The following DLGAP2 variants were observed in gnomAD, a reference collection of about 807,000 sequenced individuals.
DLGAP2 encodes DLG associated protein 2, also known as disks large-associated protein 2.
In DLGAP2, 26 loss-of-function variants were observed where a neutral mutation model predicts 100.3. The ratio of observed to expected loss-of-function variants is 0.26; its 90% CI spans 0.19 to 0.36. The LOEUF (loss-of-function observed/expected upper bound fraction) is 0.36, where lower values mean the gene tolerates loss of function less well. DLGAP2 is among the 10% of genes least tolerant of loss of function. The probability of loss-of-function intolerance (pLI) is 1.00; values close to 1 mark genes in which losing one functional copy is unlikely to be tolerated. For missense variants in DLGAP2, 1,858 were observed against 1,453.2 expected (o/e 1.28, Z -4.53); for synonymous variants, 886 against 630.1 (o/e 1.41, Z -6.08).
At chr8:813,973 C>T (rs1796417916) in intron 1 of DLGAP2, among the ~76,000 whole-genome samples, 1 of 151,918 alleles carries the variant, frequency 6.6e-6, no homozygotes, top group Non-Finnish European at 1.5e-5. Context: ...GGAATCATCC[C>T]CTTAAAGGAG....
At chr8:1,456,739 G>T (rs1798324004) in intron 3 of DLGAP2, among the ~76,000 whole-genome samples, 1 of 151,782 alleles carries the variant, frequency 6.6e-6, no homozygotes, top group Admixed American at 6.6e-5. Flanking sequence ...CCCGGTCGTT[G>T]GACGTCAGCA....
At chr8:1,437,400 G>C (rs1292160120) in intron 3 of DLGAP2, among the ~76,000 whole-genome samples, 1 of 152,202 alleles carries the variant, frequency 6.6e-6, no homozygotes, top group African/African-American at 2.4e-5. Flanking sequence ...GCACATGACT[G>C]TACTTATTAC....
chr8:887,804 G>GT (rs1306403930), intron 1 of DLGAP2, among the ~76,000 whole-genome samples: 2 of 151,980 alleles, frequency 1.3e-5, no homozygotes, highest in African/African-American at 4.8e-5. Context: ...TGCCCTTAAC[G>GT]TTTTTTTCTT....
intron 2 of DLGAP2, among the ~76,000 whole-genome samples, chr8:1,185,704 C>G (rs943511289): frequency 1.9e-5 from 2 of 105,946 alleles, no homozygotes; most frequent in Admixed American, 1.0e-4. Flanking sequence ...CACACACACT[C>G]ACACTCACAC....
intron 2 of DLGAP2, among the ~76,000 whole-genome samples, chr8:939,942 G>A (rs1295531751): frequency 6.6e-6 from 1 of 151,946 alleles, no homozygotes; most frequent in Non-Finnish European, 1.5e-5. Context: ...TTCCCAGGGT[G>A]AACACGTACA....
intron 3 of DLGAP2, among the ~76,000 whole-genome samples, chr8:1,293,835 A>T (rs1178845091): frequency 8.5e-6 from 1 of 117,426 alleles, no homozygotes; most frequent in Non-Finnish European, 2.0e-5. Context: ...ATTTCTTTCT[A>T]TCTGTTATTC....
intron 2 of DLGAP2, among the ~76,000 whole-genome samples, chr8:949,088 G>T (rs1335788722): frequency 2.0e-5 from 3 of 152,238 alleles, no homozygotes; most frequent in Non-Finnish European, 2.9e-5. Context: ...GTCTTGAGGG[G>T]ATGCTGGGGT....
chr8:752,235 G>A (rs565820218), intron 1 of DLGAP2, among the ~76,000 whole-genome samples: 1 of 152,344 alleles, frequency 6.6e-6, no homozygotes, highest in South Asian at 2.1e-4. Flanking sequence ...CAGTTGTCCT[G>A]CCATGAAGCA....
chr8:1,635,261 TC>T lies in DLGAP2; in HGVS notation c.1810+2218del, dbSNP rs1287526220. On this transcript the variant is annotated intron_variant, in intron 8 of 14. Coordinates refer to ENST00000637795, the MANE Select transcript of DLGAP2 (RefSeq NM_001346810.2). ...GGAAAAATACCAAAGAAATGAAAAC[TC>T]CCAGTCTGGGAAAACAAAATTATGG... 5.9e-5 allele frequency among the ~76,000 whole-genome samples: 9 copies of T among 152,292 alleles called. No homozygotes were observed. The East Asian group carries it at 1.7e-3, about 29-fold the overall frequency.
intron 3 of DLGAP2, among the ~76,000 whole-genome samples, chr8:1,481,591 G>A (rs1025746930): frequency 1.4e-5 from 2 of 141,286 alleles, no homozygotes; most frequent in African/African-American, 2.6e-5. Context: ...TGATTCTACT[G>A]CCTCAGCCTC....
intron 2 of DLGAP2, among the ~76,000 whole-genome samples, chr8:966,568 T>C (rs1041465901): frequency 6.6e-6 from 1 of 152,182 alleles, no homozygotes; most frequent in Non-Finnish European, 1.5e-5. Flanking sequence ...AAAATGACAA[T>C]GGATGAATAA....
chr8:1,626,857 C>G lies in DLGAP2; in HGVS notation c.1560C>G (p.Ser520Arg). 1 of 1,606,150 alleles carries G rather than the reference C, an allele frequency of 6.2e-7. No homozygotes were observed. Among genetic ancestry groups the G allele is most frequent in the Non-Finnish European group, 8.5e-7 (1 of 1,176,554 alleles). ...SRNQSYMRAV[S>R]TLSQASCVSQ... is the part of the protein sequence containing the mutation. ...ACCAGAGCTACATGAGGGCCGTCAGCACCCTGAGCCAGGCCAGCTGCGTGA... is the reference window on the plus strand; with the variant it reads ...ACCAGAGCTACATGAGGGCCGTCAGGACCCTGAGCCAGGCCAGCTGCGTGA... The change falls in exon 7 of 15, where the codon AGC becomes AGG. Residue 520 changes from serine to arginine, a missense_variant. Physicochemically the swap from Ser to Arg is moderately radical, Grantham distance 110. Transcript: ENST00000637795.
At chr8:1,018,398 C>T (rs1563147105) in intron 2 of DLGAP2, among the ~76,000 whole-genome samples, 2 of 152,216 alleles carry the variant, frequency 1.3e-5, no homozygotes, top group African/African-American at 2.4e-5. Flanking sequence ...AGTCCTCCTG[C>T]AAGCAAACCT....
chr8:916,251 G>C (rs1395256814), intron 2 of DLGAP2, among the ~76,000 whole-genome samples: 1 of 152,170 alleles, frequency 6.6e-6, no homozygotes, highest in Non-Finnish European at 1.5e-5. Flanking sequence ...TGAAATTGAT[G>C]ACAAAACCCA....
At chr8:1,264,001 T>C (rs1422860281) in intron 3 of DLGAP2, among the ~76,000 whole-genome samples, 2 of 152,122 alleles carry the variant, frequency 1.3e-5, no homozygotes, top group African/African-American at 4.8e-5. Flanking sequence ...AGGGTTTTGG[T>C]GGAAATCAGA....
intron 1 of DLGAP2, among the ~76,000 whole-genome samples, chr8:813,803 G>C (rs1333457881): frequency 6.6e-6 from 1 of 152,126 alleles, no homozygotes; most frequent in African/African-American, 2.4e-5. Context: ...CATTTCTCCA[G>C]CAGATAAACA....
chr8:1,222,329 T>C (rs1483144129), intron 2 of DLGAP2, among the ~76,000 whole-genome samples: 2 of 152,142 alleles, frequency 1.3e-5, no homozygotes, highest in African/African-American at 4.8e-5. Flanking sequence ...TCACTTTATT[T>C]CTGGAAGATT....
At chr8:1,143,358 T>G (rs1372508262) in intron 2 of DLGAP2, among the ~76,000 whole-genome samples, 1 of 152,152 alleles carries the variant, frequency 6.6e-6, no homozygotes, top group African/African-American at 2.4e-5. Context: ...GCATTCAAAT[T>G]TTTAGTTTAC....
chr8:1,505,405 C>T (rs2130342331), intron 4 of DLGAP2, among the ~76,000 whole-genome samples: 1 of 152,314 alleles, frequency 6.6e-6, no homozygotes, highest in Middle Eastern at 3.4e-3. Context: ...CAACTCCCCT[C>T]AGTCTTCAAA....
Sources: allele counts gnomAD v4.1 joint callset (sites outside exome capture counted in the v4.1 genomes callset), GRCh38; gene constraint gnomAD v4.1.1; transcripts MANE v1.5; gene names NCBI Gene and HGNC (gene_info 2026-07-23, HGNC 2026-07-21).